Variants in VIPAS39 observed in about 807,000 individuals in gnomAD.
VIPAS39 encodes VPS33B interacting protein, apical-basolateral polarity regulator, spe-39 homolog, also known as spermatogenesis-defective protein 39 homolog.
Under a neutral mutation model 84.7 loss-of-function variants are expected in VIPAS39, and 63 were observed. The ratio of observed to expected loss-of-function variants is 0.74; its 90% CI spans 0.61 to 0.92. The LOEUF (loss-of-function observed/expected upper bound fraction) is 0.92, where lower values mean the gene tolerates loss of function less well. Ranked by LOEUF, VIPAS39 falls within the 40% of genes least tolerant of loss-of-function variation. The pLI is 0.00. For synonymous variants in VIPAS39, 192 were observed against 216.5 expected, an observed-to-expected ratio of 0.89 and a Z score of 0.99; for missense variants, 499 against 604.5, an observed-to-expected ratio of 0.83 and a Z score of 1.83.
At chr14:77,445,629 G>C (rs115919229) in intron 7 of VIPAS39, among the ~76,000 whole-genome samples, 4,468 of 152,050 alleles carry the variant, frequency 0.029, 215 homozygotes, top group African/African-American at 0.1. Flanking sequence ...TATATTGCCA[G>C]GTTTAATAAA....
At chr14:77,450,354 G>C (rs1222031425) in intron 4 of VIPAS39, among the ~76,000 whole-genome samples, 2 of 152,094 alleles carry the variant, frequency 1.3e-5, no homozygotes, top group African/African-American at 4.8e-5. Context: ...GGCACATTTT[G>C]TTTATCCATT....
At chr14:77,455,799 G>C (rs2078951927) in intron 1 of VIPAS39, among the ~76,000 whole-genome samples, 2 of 152,108 alleles carry the variant, frequency 1.3e-5, no homozygotes, top group Admixed American at 1.3e-4. Flanking sequence ...GGTATTGTGG[G>C]GATTTTCTAC....
At chr14:77,432,998 T>C (rs2078547499) in intron 16 of VIPAS39, among the ~76,000 whole-genome samples, 1 of 152,022 alleles carries the variant, frequency 6.6e-6, no homozygotes, top group Non-Finnish European at 1.5e-5. Context: ...GTACCTTAAA[T>C]ATATACAATA....
Position 77,444,298 on chromosome 14 carries a change from T to G in VIPAS39, c.548A>C (p.Gln183Pro). The G allele has an allele frequency of 6.2e-7, 1 of 1,613,878 alleles. No individual in the cohort carries two copies. The highest frequency in any genetic ancestry group is 8.5e-7 in the Non-Finnish European group (1 of 1,179,810). Residue 183 changes from glutamine (Q) to proline (P), a missense_variant, in exon 8 of 20, where the codon CAA (glutamine) becomes CCA (proline). Physicochemically the swap from Gln to Pro is moderately conservative, Grantham distance 76. Transcript: ENST00000557658. ...CATGCTTACTGCCTCTTCTAGGAGT[T>G]GTAGTTTGTCCTGTAAGGAGCGGAA... ...ERFRSLQDKL[Q>P]LLEEAVSMHD...
intron 11 of VIPAS39, among the ~76,000 whole-genome samples, chr14:77,440,058 A>AT (rs1027167936): frequency 2.0e-5 from 3 of 151,250 alleles, no homozygotes; most frequent in Admixed American, 1.3e-4. Context: ...AATTTTTTAA[A>AT]TTTTTTTTTA....
intron 11 of VIPAS39, chr14:77,440,395 G>C (rs1318868680): frequency 6.5e-6 from 1 of 152,968 alleles, no homozygotes; most frequent in Non-Finnish European, 1.5e-5. Flanking sequence ...TCATCAACTT[G>C]ACCTATCTTC....
At position 77,453,360 on chromosome 14, in the gene VIPAS39, G is replaced by T. The variant is rs1230748332; in HGVS notation, c.135C>A (p.Phe45Leu). The change falls in exon 3 of 20, where the codon TTC becomes TTA. Residue 45 changes from phenylalanine (F) to leucine (L), a missense_variant. Transcript: ENST00000557658. ...GGTCATCATCGTCATCATCATCCAC[G>T]AAGTCTCGGAGGCTGTTCACCGCCC... ...SKRAVNSLRD[F>L]VDDDDDDDLE... 2 of 1,613,916 alleles carry T rather than the reference G, an allele frequency of 1.2e-6. No homozygotes were observed. Among genetic ancestry groups the T allele is most frequent in the Admixed American group, 1.7e-5 (1 of 59,984 alleles).
At chr14:77,453,897 T>C (rs2139899237) in intron 2 of VIPAS39, 113 bp downstream of exon 2, 1 of 971,388 alleles carries the variant, frequency 1.0e-6, no homozygotes, top group Non-Finnish European at 1.6e-6. Context: ...CTGGCTCTTT[T>C]CTGAGCCTAA....
chr14:77,434,563 A>G, intron 14 of VIPAS39, among the ~76,000 whole-genome samples: 1 of 152,140 alleles, frequency 6.6e-6, no homozygotes, highest in Non-Finnish European at 1.5e-5. Context: ...TCTGCCTGTT[A>G]TCATGGAATC....
Position 77,442,561 on chromosome 14 carries a change from T to C in VIPAS39, c.733A>G (p.Arg245Gly). ...ATAGACCAGATGATCAGTTCTTACC[T>C]GAAGAGGTCTAAAAGCAACTTTTGA... is the stretch of plus-strand genomic sequence containing the variant. The part of the protein sequence containing the change: ...GDQKLLLDLF[R>G]FLDRTEELAL... The change falls in exon 10 of 20, where the codon AGG becomes GGG. Residue 245 changes from arginine to glycine, a missense_variant and splice_region_variant. Coordinates refer to ENST00000557658, the MANE Select transcript of VIPAS39 (RefSeq NM_001193315.2). 4 of 1,613,314 alleles carry C rather than the reference T, an allele frequency of 2.5e-6. No individual in the cohort carries two copies. The highest frequency in any genetic ancestry group is 4.5e-5 in the East Asian group (2 of 44,874).
intron 15 of VIPAS39, 151 bp from the exon 16 acceptor site, chr14:77,434,082 A>T: frequency 8.5e-7 from 1 of 1,182,528 alleles, no homozygotes; most frequent in Non-Finnish European, 1.3e-6. Flanking sequence ...AGAACTTCTT[A>T]ATTCCCAAGC....
chr14:77,440,588 G>A (rs2078686148), intron 11 of VIPAS39: 1 of 158,548 alleles, frequency 6.3e-6, no homozygotes, highest in African/African-American at 2.4e-5. Context: ...AACCAAAAGA[G>A]CATATAAAAA....
intron 4 of VIPAS39, 78 bp from the exon 5 acceptor site, chr14:77,449,830 T>C: frequency 1.3e-6 from 2 of 1,500,592 alleles, no homozygotes; most frequent in Non-Finnish European, 1.9e-6. Flanking sequence ...AGACACAATG[T>C]GTAACCAACT....
At chr14:77,434,060 T>C (rs551859256) in intron 15 of VIPAS39, 129 bp from the exon 16 acceptor site, 1 of 1,253,966 alleles carries the variant, frequency 8.0e-7, no homozygotes, top group South Asian at 1.3e-5. Context: ...AATCAAAAAA[T>C]TTCTCAGTTC....
chr14:77,445,848 G>A (rs146881519), intron 7 of VIPAS39, among the ~76,000 whole-genome samples: 1,535 of 151,492 alleles, frequency 0.01, 23 homozygotes, highest in African/African-American at 0.036. Context: ...GCTGAAGCAG[G>A]AGAATCACTT....
intron 11 of VIPAS39, among the ~76,000 whole-genome samples, chr14:77,440,010 G>A (rs1209249961): frequency 2.0e-5 from 3 of 152,004 alleles, no homozygotes. Flanking sequence ...AGCTTCCCAG[G>A]TAGCTGGGAC....
intron 6 of VIPAS39, 36 bp downstream of exon 6, chr14:77,449,257 G>A (rs201915238): frequency 1.3e-6 from 2 of 1,595,714 alleles, no homozygotes; most frequent in East Asian, 2.2e-5. Flanking sequence ...ACTTTATACT[G>A]TGGAAAGTGT....
intron 10 of VIPAS39, 64 bp from the exon 11 acceptor site, chr14:77,441,157 A>G: frequency 6.3e-7 from 1 of 1,587,140 alleles, no homozygotes; most frequent in Non-Finnish European, 8.6e-7. Context: ...ATAACCTCAC[A>G]AAATCGAGTG....
chr14:77,436,157 T>A (rs1355346234), intron 12 of VIPAS39, among the ~76,000 whole-genome samples: 1 of 152,220 alleles, frequency 6.6e-6, no homozygotes, highest in Non-Finnish European at 1.5e-5. Flanking sequence ...TAGTCACTCA[T>A]AATTTTGCTG....
Sources: gnomAD v4.1 joint callset for allele counts (sites outside exome capture counted in the v4.1 genomes callset) on GRCh38, gnomAD v4.1.1 for gene constraint, MANE v1.5 for transcripts, NCBI Gene and HGNC (gene_info 2026-07-23, HGNC 2026-07-21) for gene names.